The following TOX3 variants were observed in gnomAD, a reference collection of about 807,000 sequenced individuals.
TOX3 encodes the protein CAG trinucleotide repeat-containing gene F9 protein.
Under a neutral mutation model 64.3 loss-of-function variants are expected in TOX3, and 22 were observed. The observed-to-expected ratio is 0.34, with a 90% CI of 0.24 to 0.49. The LOEUF (loss-of-function observed/expected upper bound fraction) is 0.49. Ranked by LOEUF, TOX3 falls within the 20% of genes least tolerant of loss-of-function variation. The pLI is 0.99. For missense variants in TOX3, 661 were observed against 714.4 expected, an observed-to-expected ratio of 0.93 and a Z score of 0.85; for synonymous variants, 291 against 273.6, an observed-to-expected ratio of 1.06 and a Z score of -0.63.
intron 1 of TOX3, among the ~76,000 whole-genome samples, chr16:52,496,817 A>T (rs181479802): frequency 2.0e-5 from 3 of 152,208 alleles, no homozygotes; most frequent in Admixed American, 2.0e-4. Flanking sequence ...GCTCAGAAAG[A>T]TTTCTTTCAA....
chr16:52,514,505 T>C (rs1393193805), intron 1 of TOX3, among the ~76,000 whole-genome samples: 1 of 152,210 alleles, frequency 6.6e-6, no homozygotes, highest in Non-Finnish European at 1.5e-5. Context: ...ATAGGTATTG[T>C]TTTCTCTGTA....
At chr16:52,488,903 A>G (rs139842116) in intron 1 of TOX3, among the ~76,000 whole-genome samples, 1 of 152,220 alleles carries the variant, frequency 6.6e-6, no homozygotes, top group East Asian at 1.9e-4. Flanking sequence ...CCAAGCACTC[A>G]GCACCTGTAA....
intron 1 of TOX3, among the ~76,000 whole-genome samples, chr16:52,518,079 T>C (rs1962504346): frequency 6.6e-6 from 1 of 152,210 alleles, no homozygotes; most frequent in Non-Finnish European, 1.5e-5. Context: ...TCTGCATTTT[T>C]CAAATATTGC....
chr16:52,501,224 C>G (rs977779431), intron 1 of TOX3, among the ~76,000 whole-genome samples: 1 of 152,182 alleles, frequency 6.6e-6, no homozygotes, highest in East Asian at 1.9e-4. Context: ...ACACTCTGAG[C>G]CACTATACTG....
At chr16:52,440,070 C>T in intron 6 of TOX3, 102 bp from the exon 7 acceptor site, 2 of 936,226 alleles carry the variant, frequency 2.1e-6, no homozygotes. Flanking sequence ...TAACGGCCAC[C>T]ATTATTCATG....
chr16:52,450,244 G>A lies in TOX3; in HGVS notation c.678+33C>T, dbSNP rs995796152. On this transcript the variant is annotated intron_variant, in intron 4 of 6. Coordinates refer to ENST00000219746, the MANE Select transcript of TOX3 (RefSeq NM_001080430.4). ...AGCATGGGGTAATCCCATATTCTCTGGCAGGTTACACACTAAGGCAGTTCT... is the reference window on the plus strand; with the variant it reads ...AGCATGGGGTAATCCCATATTCTCTAGCAGGTTACACACTAAGGCAGTTCT... 5.0e-6 allele frequency: 8 copies of A among 1,611,730 alleles called. No individual in the cohort carries two copies. In the East Asian group the frequency reaches 1.8e-4, roughly 36 times the overall value.
chr16:52,485,271 T>TAC (rs1555484164), intron 1 of TOX3, among the ~76,000 whole-genome samples: 65 of 145,580 alleles, frequency 4.5e-4, no homozygotes, highest in African/African-American at 1.5e-3. Flanking sequence ...TATATATATA[T>TAC]ACATATCTCC....
rs1963195012 is a variant in TOX3 at position 52,546,606 on chromosome 16, G to A, written c.87+31C>T. 5.2e-6 allele frequency: 8 copies of A among 1,524,930 alleles called. No individual in the cohort carries two copies. The East Asian group carries it at 9.9e-5, about 19-fold the overall frequency. The allele number at this position is 1,524,930 out of a possible 1,614,324, so 94.5% of individuals were successfully genotyped here. A position where few individuals can be genotyped will look rare whatever the true frequency, so the allele number is the denominator to read the frequency against. ...CGCCCAGGATGGGGAGGTGGCCCCC[G>A]CCCCCCGGCCCACCGGCCCAGCCCG... On this transcript the variant is annotated intron_variant, in intron 1 of 6. Transcript: ENST00000219746.
Position 52,440,308 on chromosome 16 carries a change from C to T in TOX3, c.988-340G>A, listed in dbSNP as rs970106958. The stretch of plus-strand genomic sequence containing the variant: ...ATTACCCCCCTCAAGAGTCAGTTCA[C>T]TGCCAGCCAGCCAACTGTGATCAAT... On this transcript the variant is annotated intron_variant, in intron 6 of 6. Coordinates refer to ENST00000219746, the MANE Select transcript of TOX3 (RefSeq NM_001080430.4). Among the ~76,000 whole-genome samples, 14 of 152,304 alleles carry T rather than the reference C, an allele frequency of 9.2e-5. 1 individual carries two copies. In the East Asian group the frequency reaches 2.7e-3, roughly 29 times the overall value.
intron 1 of TOX3, among the ~76,000 whole-genome samples, chr16:52,479,006 T>C (rs1322429694): frequency 1.3e-5 from 2 of 152,168 alleles, no homozygotes; most frequent in Non-Finnish European, 2.9e-5. Flanking sequence ...ATGGTAAATA[T>C]TAGGCTAAAA....
At chr16:52,486,764 C>G (rs1172419232) in intron 1 of TOX3, among the ~76,000 whole-genome samples, 2 of 152,100 alleles carry the variant, frequency 1.3e-5, no homozygotes, top group Non-Finnish European at 2.9e-5. Flanking sequence ...AGACCCCTGT[C>G]TTTACAAAAA....
intron 6 of TOX3, 136 bp downstream of exon 6, chr16:52,444,140 A>G: frequency 1.7e-6 from 1 of 583,374 alleles, no homozygotes; most frequent in Non-Finnish European, 2.9e-6. Flanking sequence ...CTCTAATGGA[A>G]ACGCCTAAGT....
At chr16:52,505,245 CTT>C (rs1962129552) in intron 1 of TOX3, among the ~76,000 whole-genome samples, 3 of 152,334 alleles carry the variant, frequency 2.0e-5, no homozygotes, top group Middle Eastern at 3.4e-3. Flanking sequence ...TCACTACTCT[CTT>C]GTTAGTCATC....
At chr16:52,503,199 G>C (rs939843913) in intron 1 of TOX3, among the ~76,000 whole-genome samples, 1 of 152,148 alleles carries the variant, frequency 6.6e-6, no homozygotes, top group African/African-American at 2.4e-5. Context: ...GATTTGGGAA[G>C]TATTAAAATA....
At chr16:52,540,370 G>T (rs1053849664) in intron 1 of TOX3, among the ~76,000 whole-genome samples, 1 of 151,216 alleles carries the variant, frequency 6.6e-6, no homozygotes, top group African/African-American at 2.4e-5. Context: ...CTGCACTCAA[G>T]CCTGGGTGAC....
At chr16:52,450,237 A>G (rs755163469) in intron 4 of TOX3, 40 bp downstream of exon 4, 6 of 1,610,840 alleles carry the variant, frequency 3.7e-6, no homozygotes, top group Non-Finnish European at 5.1e-6. Flanking sequence ...GTAATCCCAT[A>G]TTCTCTGGCA....
chr16:52,485,833 T>A (rs1961516059), intron 1 of TOX3, among the ~76,000 whole-genome samples: 1 of 152,006 alleles, frequency 6.6e-6, no homozygotes, highest in Non-Finnish European at 1.5e-5. Flanking sequence ...CCCAGGAACT[T>A]CCTTTGGAGT....
In TOX3 at chr16:52,501,802, C is replaced by A. The variant is rs1290366000; in HGVS notation, c.88-33228G>T. Among the ~76,000 whole-genome samples the A allele has an allele frequency of 2.0e-5, 3 of 152,148 alleles. No individual in the cohort carries two copies. In the East Asian group the frequency reaches 5.8e-4, roughly 29 times the overall value. On this transcript the variant is annotated intron_variant, in intron 1 of 6. Transcript: ENST00000219746. The stretch of plus-strand genomic sequence containing the variant: ...CTTAACCCACTAATGTAAACAGATT[C>A]CTTTTAAGAAGCCTCCCTATCGAGA...
rs1960100857 is a variant in TOX3, at chr16:52,444,361, T to G, written c.907-5A>C. On this transcript the variant is annotated splice_region_variant and splice_polypyrimidine_tract_variant and intron_variant, in intron 5 of 6. Transcript: ENST00000219746. ...TTCTGTTTTCCTTTTATATACCTAT[T>G]AAAAGACCACAATTAGCACCACCTT... 1.3e-6 allele frequency: 2 copies of G among 1,562,494 alleles called. No homozygotes were observed. The highest frequency in any genetic ancestry group is 3.7e-5 in the Admixed American group (2 of 54,488).
Sources: gnomAD v4.1 joint callset for allele counts (sites outside exome capture counted in the v4.1 genomes callset) on GRCh38, gnomAD v4.1.1 for gene constraint, MANE v1.5 for transcripts, NCBI Gene and HGNC (gene_info 2026-07-23, HGNC 2026-07-21) for gene names.